Variants in BTBD10 observed in about 807,000 individuals in gnomAD.
BTBD10 encodes the protein BTB domain containing 10.
A neutral mutation model predicts 53.2 loss-of-function variants in BTBD10; 21 were observed. That is an observed-to-expected ratio of 0.39 (90% CI 0.28 to 0.57). The LOEUF (loss-of-function observed/expected upper bound fraction) is 0.57. Among genes scored for constraint, BTBD10 ranks in the 20% least tolerant of loss-of-function variants. The pLI, the probability that BTBD10 is intolerant of heterozygous loss-of-function variation, is 0.53. For synonymous variants in BTBD10, 149 were observed against 192.7 expected (o/e 0.77, Z 1.88); for missense variants, 360 against 594.7 (o/e 0.61, Z 4.10).
At chr11:13,412,845 A>G (rs1253879794) in intron 6 of BTBD10, among the ~76,000 whole-genome samples, 1 of 152,162 alleles carries the variant, frequency 6.6e-6, no homozygotes, top group African/African-American at 2.4e-5. Flanking sequence ...CTTCTCATAC[A>G]CTATTTTGAC....
chr11:13,398,704 T>C (rs1949627972), intron 8 of BTBD10, among the ~76,000 whole-genome samples: 2 of 152,252 alleles, frequency 1.3e-5, no homozygotes, highest in Admixed American at 1.3e-4. Flanking sequence ...CCATATTTAG[T>C]GCTTCCTTCA....
chr11:13,462,795 G>A (rs995335334), intron 1 of BTBD10: 3 of 152,352 alleles, frequency 2.0e-5, no homozygotes, highest in Non-Finnish European at 4.4e-5. Flanking sequence ...GGGTTCCTCT[G>A]CCCTGGAAAG....
intron 2 of BTBD10, among the ~76,000 whole-genome samples, chr11:13,422,428 G>T (rs1289706948): frequency 6.6e-6 from 1 of 151,950 alleles, no homozygotes; most frequent in Non-Finnish European, 1.5e-5. Context: ...CGGGTGAATC[G>T]CTTGAGGTCA....
At chr11:13,453,929 G>C (rs576550063) in intron 1 of BTBD10, among the ~76,000 whole-genome samples, 49 of 152,270 alleles carry the variant, frequency 3.2e-4, no homozygotes, top group African/African-American at 1.1e-3. Context: ...GCGGGCACCT[G>C]TAATCCCAGC....
At chr11:13,413,860 C>A (rs2135801385) in intron 5 of BTBD10, among the ~76,000 whole-genome samples, 1 of 152,256 alleles carries the variant, frequency 6.6e-6, no homozygotes, top group East Asian at 1.9e-4. Flanking sequence ...AATGAATTCA[C>A]CGACTTAGCC....
At chr11:13,454,694 A>T (rs1030934229) in intron 1 of BTBD10, among the ~76,000 whole-genome samples, 5 of 151,984 alleles carry the variant, frequency 3.3e-5, no homozygotes, top group Non-Finnish European at 7.4e-5. Flanking sequence ...GTCTAAAAAT[A>T]AAAAAATAAA....
At chr11:13,392,065 C>T (rs1209154888) in intron 8 of BTBD10, among the ~76,000 whole-genome samples, 1 of 152,232 alleles carries the variant, frequency 6.6e-6, no homozygotes, top group Non-Finnish European at 1.5e-5. Flanking sequence ...TACTGCATCA[C>T]AAAATTGTAA....
intron 2 of BTBD10, among the ~76,000 whole-genome samples, chr11:13,434,112 A>G (rs1368656972): frequency 6.6e-6 from 1 of 152,236 alleles, no homozygotes; most frequent in East Asian, 1.9e-4. Flanking sequence ...CACAAAGACA[A>G]CTTCAGCAAT....
intron 1 of BTBD10, among the ~76,000 whole-genome samples, chr11:13,459,374 C>T (rs1478145778): frequency 6.6e-6 from 1 of 151,658 alleles, no homozygotes; most frequent in African/African-American, 2.4e-5. Flanking sequence ...TTGCTACATT[C>T]TTTAGCAAAC....
At chr11:13,457,352 TG>T (rs757014703) in intron 1 of BTBD10, among the ~76,000 whole-genome samples, 88 of 152,252 alleles carry the variant, frequency 5.8e-4, no homozygotes, top group Non-Finnish European at 9.3e-4. Context: ...TTATTTGTAA[TG>T]GTAAAAGACT....
intron 5 of BTBD10, among the ~76,000 whole-genome samples, chr11:13,414,937 G>C (rs1214302437): frequency 2.0e-5 from 3 of 150,898 alleles, no homozygotes; most frequent in African/African-American, 7.3e-5. Flanking sequence ...TAAGGTTGCT[G>C]CATCAATGGA....
At chr11:13,433,998 A>G (rs1025583990) in intron 2 of BTBD10, among the ~76,000 whole-genome samples, 2 of 152,194 alleles carry the variant, frequency 1.3e-5, no homozygotes, top group African/African-American at 4.8e-5. Context: ...GAAGTTCTCA[A>G]CTGAAGAATT....
Position 13,419,730 on chromosome 11 carries a change from T to A in BTBD10, c.314A>T (p.His105Leu). ...CGGACTGCTTGGACGAGAGGAACTG[T>A]GATCTTTTTCTCGTTCTGAAATAAA... ...RQHHVEREKD[H>L]SSSRPSSPRP... Residue 105 changes from histidine to leucine, a missense_variant, in exon 4 of 9, where the codon CAC becomes CTC. Physicochemically the swap from His to Leu is moderately conservative, Grantham distance 99 (BLOSUM62 -3). Coordinates refer to ENST00000278174, the MANE Select transcript of BTBD10 (RefSeq NM_032320.7). 6.3e-7 allele frequency: 1 copy of A among 1,582,894 alleles called. No individual in the cohort carries two copies. The highest frequency in any genetic ancestry group is 1.2e-5 in the South Asian group (1 of 84,972).
intron 1 of BTBD10, among the ~76,000 whole-genome samples, chr11:13,453,649 AC>A (rs1188545744): frequency 1.3e-5 from 2 of 152,188 alleles, no homozygotes; most frequent in Non-Finnish European, 1.5e-5. Context: ...TGCCACATGT[AC>A]CCCATTAGAC....
intron 1 of BTBD10, among the ~76,000 whole-genome samples, chr11:13,458,995 A>C (rs1478017858): frequency 6.6e-6 from 1 of 151,970 alleles, no homozygotes; most frequent in Non-Finnish European, 1.5e-5. Flanking sequence ...TTTTGTACCT[A>C]AGATTCTCTG....
At chr11:13,390,217 T>G (rs1211591005) in intron 8 of BTBD10, among the ~76,000 whole-genome samples, 1 of 152,232 alleles carries the variant, frequency 6.6e-6, no homozygotes, top group Non-Finnish European at 1.5e-5. Flanking sequence ...GGCAAACATT[T>G]TCTGTAAAGG....
intron 6 of BTBD10, among the ~76,000 whole-genome samples, chr11:13,407,030 G>T: frequency 6.6e-6 from 1 of 151,746 alleles, no homozygotes; most frequent in African/African-American, 2.4e-5. Flanking sequence ...CCTTTATATT[G>T]TTAAAGACAA....
chr11:13,426,016 G>T (rs2133982407), intron 2 of BTBD10, among the ~76,000 whole-genome samples: 3 of 152,206 alleles, frequency 2.0e-5, no homozygotes, highest in Middle Eastern at 3.4e-3. Flanking sequence ...AAAATAAACA[G>T]CATGAGTAAG....
rs1208110534 is a variant in BTBD10 at position 13,419,320 on chromosome 11, GC to G, written c.584+139del. The stretch of plus-strand genomic sequence containing the variant: ...GTATTAACTTGGGACAAGTAATTTA[GC>G]CTCCAAAGCTCAGTTCTTTCATCTG... On this transcript the variant is annotated intron_variant, in intron 4 of 8. Coordinates refer to ENST00000278174, the MANE Select transcript of BTBD10 (RefSeq NM_032320.7). 85 of 1,101,558 alleles carry G rather than the reference GC, an allele frequency of 7.7e-5. 1 individual carries two copies. The South Asian group carries it at 1.4e-3, about 18-fold the overall frequency. The allele number at this position is 1,101,558 out of a possible 1,614,324, so 68.2% of individuals were successfully genotyped here. A position where few individuals can be genotyped will look rare whatever the true frequency, so the allele number is the denominator to read the frequency against.
Sources: gnomAD v4.1 joint callset for allele counts (sites outside exome capture counted in the v4.1 genomes callset) on GRCh38, gnomAD v4.1.1 for gene constraint, MANE v1.5 for transcripts, NCBI Gene and HGNC (gene_info 2026-07-23, HGNC 2026-07-21) for gene names.